PTPRK: variants seen among roughly 807,000 people sequenced by gnomAD.
PTPRK encodes the protein protein tyrosine phosphatase receptor type K.
A neutral mutation model predicts 178.0 loss-of-function variants in PTPRK; 75 were observed. The observed-to-expected ratio is 0.42, with a 90% confidence interval of 0.35 to 0.51. The LOEUF (loss-of-function observed/expected upper bound fraction) is 0.51, where lower values mean the gene tolerates loss of function less well. PTPRK is among the 20% of genes least tolerant of loss of function. The probability of loss-of-function intolerance (pLI) is 0.02; values close to 1 mark genes in which losing one functional copy is unlikely to be tolerated. For missense variants in PTPRK, 1,441 were observed against 1,797.8 expected (o/e 0.80, Z 3.59); for synonymous variants, 637 against 620.6 (o/e 1.03, Z -0.39).
chr6:128,435,126 A>AAGGCAGGCAGGCAGGCAGGCAGGC (rs775750807), intron 1 of PTPRK, among the ~76,000 whole-genome samples: 7 of 79,464 alleles, frequency 8.8e-5, no homozygotes, highest in Non-Finnish European at 1.6e-4. Context: ...GGCAGGCAGG[A>AAGGCAGGCAGGCAGGCAGGCAGGC]AGGCAGGCAG....
At chr6:128,423,877 GATTA>G (rs1843777820) in intron 1 of PTPRK, among the ~76,000 whole-genome samples, 1 of 151,796 alleles carries the variant, frequency 6.6e-6, no homozygotes, top group South Asian at 2.1e-4. Flanking sequence ...AAATAACATG[GATTA>G]ATTGACTCTT....
chr6:128,202,750 G>A (rs1040765907), intron 6 of PTPRK, among the ~76,000 whole-genome samples: 4 of 152,122 alleles, frequency 2.6e-5, no homozygotes, highest in African/African-American at 9.7e-5. Context: ...CTGAAATTGA[G>A]GCACTAATAA....
intron 1 of PTPRK, among the ~76,000 whole-genome samples, chr6:128,445,279 T>C (rs1846852195): frequency 6.8e-6 from 1 of 147,570 alleles, no homozygotes; most frequent in South Asian, 2.1e-4. Flanking sequence ...ATAAATACTA[T>C]ATATAATAGT....
intron 7 of PTPRK, among the ~76,000 whole-genome samples, chr6:128,169,799 G>A (rs1357159097): frequency 6.6e-6 from 1 of 151,164 alleles, no homozygotes; most frequent in East Asian, 1.9e-4. Flanking sequence ...GTGTGTGTGT[G>A]TGTGTGTGTG....
In PTPRK at chr6:127,973,006, A is replaced by C. The variant is rs1774115848; in HGVS notation, c.4269+16T>G. ...ATCTCTAAGATGCCTTCCAAATCTA[A>C]GATTCTGTGACTCACCGGGGCTTCC... On this transcript the variant is annotated intron_variant, in intron 29 of 29. Coordinates refer to ENST00000368226, the MANE Select transcript of PTPRK (RefSeq NM_002844.4). 6.2e-7 allele frequency: 1 copy of C among 1,613,220 alleles called. No individual in the cohort carries two copies. The highest frequency in any genetic ancestry group is 1.1e-5 in the South Asian group (1 of 91,054).
At chr6:128,062,164 T>C (rs1780948416) in intron 13 of PTPRK, 2 of 155,628 alleles carry the variant, frequency 1.3e-5, no homozygotes, top group Admixed American at 1.3e-4. Context: ...AATAAGTTGA[T>C]GTTACTTTAA....
chr6:128,365,426 T>C (rs1835345473), intron 2 of PTPRK, among the ~76,000 whole-genome samples: 1 of 152,132 alleles, frequency 6.6e-6, no homozygotes, highest in Non-Finnish European at 1.5e-5. Flanking sequence ...AGGTAATATT[T>C]AACTGAAAAG....
At position 127,985,739 on chromosome 6, in the gene PTPRK, G is replaced by A; in HGVS notation, c.3233C>T (p.Pro1078Leu). Residue 1078 changes from proline to leucine, a missense_variant, in exon 22 of 30, where the codon CCC (proline) becomes CTC (leucine). Around this residue, in one of 4 missense-constraint regions of PTPRK, gnomAD observed 335 missense variants for 512.4 expected, o/e 0.65. Coordinates refer to ENST00000368226, the MANE Select transcript of PTPRK (RefSeq NM_002844.4). ...VKLSNPPSAG[P>L]IVVHCSAGAG... The stretch of plus-strand genomic sequence containing the variant: ...CACTTACCTGCAATGTACAACGATG[G>A]GGCCAGCACTGGGAGGGTTTGATAA... 3.1e-6 allele frequency: 5 copies of A among 1,612,858 alleles called. No individual in the cohort carries two copies. Among genetic ancestry groups the A allele is most frequent in the Non-Finnish European group, 4.2e-6 (5 of 1,179,134 alleles).
chr6:127,994,375 G>A (rs1776916171), intron 18 of PTPRK, among the ~76,000 whole-genome samples: 1 of 151,684 alleles, frequency 6.6e-6, no homozygotes, highest in African/African-American at 2.4e-5. Flanking sequence ...AGCACACCTA[G>A]ATTTTAATTG....
chr6:128,008,135 T>A, intron 14 of PTPRK: 1 of 1,157,728 alleles, frequency 8.6e-7, no homozygotes, highest in South Asian at 1.2e-5. Flanking sequence ...TAAACTCTGA[T>A]GGAATCATTA....
intron 5 of PTPRK, among the ~76,000 whole-genome samples, chr6:128,222,948 G>A (rs570972793): frequency 2.2e-4 from 34 of 152,134 alleles, no homozygotes; most frequent in African/African-American, 7.2e-4. Flanking sequence ...CCTCAAGTTC[G>A]CATTCCATCA....
intron 7 of PTPRK, among the ~76,000 whole-genome samples, chr6:128,171,305 G>A (rs1032889078): frequency 5.3e-5 from 8 of 151,904 alleles, no homozygotes; most frequent in Admixed American, 6.6e-5. Context: ...AGATTGAACC[G>A]CACTTTCATA....
intron 2 of PTPRK, among the ~76,000 whole-genome samples, chr6:128,382,265 T>C (rs1838042363): frequency 6.6e-6 from 1 of 151,920 alleles, no homozygotes; most frequent in Non-Finnish European, 1.5e-5. Context: ...AGATTCTGTG[T>C]GTAAAAATAC....
intron 13 of PTPRK, among the ~76,000 whole-genome samples, chr6:128,063,864 TGAAAG>T (rs1233904611): frequency 6.6e-6 from 1 of 152,128 alleles, no homozygotes; most frequent in Non-Finnish European, 1.5e-5. Flanking sequence ...AGAAAACTGA[TGAAAG>T]GAAAGATGCC....
At chr6:128,030,672 C>T (rs561079044) in intron 13 of PTPRK, among the ~76,000 whole-genome samples, 1 of 152,326 alleles carries the variant, frequency 6.6e-6, no homozygotes, top group South Asian at 2.1e-4. Flanking sequence ...CAACTCCTAC[C>T]TGGCTGATCA....
At chr6:128,482,026 C>T (rs577916007) in intron 1 of PTPRK, among the ~76,000 whole-genome samples, 36 of 152,190 alleles carry the variant, frequency 2.4e-4, no homozygotes, top group African/African-American at 8.4e-4. Context: ...AACTAATGAA[C>T]GAATCCTGCT....
chr6:128,418,448 T>C (rs972236061), intron 1 of PTPRK, among the ~76,000 whole-genome samples: 1 of 152,200 alleles, frequency 6.6e-6, no homozygotes, highest in African/African-American at 2.4e-5. Context: ...TCAGATCAGC[T>C]GAGGCATTAG....
chr6:128,144,078 G>T (rs1446455582), intron 7 of PTPRK, among the ~76,000 whole-genome samples: 1 of 151,996 alleles, frequency 6.6e-6, no homozygotes, highest in Non-Finnish European at 1.5e-5. Flanking sequence ...TTTGCATTCA[G>T]AAGAGAATAT....
At chr6:128,176,890 C>T (rs1240150618) in intron 7 of PTPRK, among the ~76,000 whole-genome samples, 1 of 151,464 alleles carries the variant, frequency 6.6e-6, no homozygotes, top group Non-Finnish European at 1.5e-5. Flanking sequence ...GACCAACACT[C>T]CCCCAAAATG....
Sources: gnomAD v4.1 joint callset for allele counts (sites outside exome capture counted in the v4.1 genomes callset) on GRCh38, gnomAD v4.1.1 for gene constraint, gnomAD v4.1.1 regional missense constraint, MANE v1.5 for transcripts, NCBI Gene and HGNC (gene_info 2026-07-23, HGNC 2026-07-21) for gene names.